ROBO2: variants seen among roughly 807,000 people sequenced by gnomAD.
ROBO2 encodes roundabout homolog 2.
ROBO2 carries 53 observed loss-of-function variants against 160.8 expected under a neutral mutation model. That is an observed-to-expected ratio of 0.33 (90% confidence interval 0.26 to 0.41). The LOEUF (loss-of-function observed/expected upper bound fraction) is 0.41, where lower values mean the gene tolerates loss of function less well. ROBO2 is among the 10% of genes least tolerant of loss of function. ROBO2 has a pLI of 1.00. For synonymous variants in ROBO2, 664 were observed against 611.7 expected (o/e 1.09, Z -1.26); for missense variants, 1,577 against 1,722.4 (o/e 0.92, Z 1.49).
intron 2 of ROBO2, among the ~76,000 whole-genome samples, chr3:76,972,349 ATT>A (rs11296753): frequency 6.9e-6 from 1 of 145,534 alleles, no homozygotes; most frequent in African/African-American, 2.5e-5. Context: ...AGTTGAAAAC[ATT>A]TTTTTTTTTT....
At chr3:77,408,052 G>A (rs2076397287) in intron 2 of ROBO2, among the ~76,000 whole-genome samples, 1 of 151,660 alleles carries the variant, frequency 6.6e-6, no homozygotes, top group Admixed American at 6.6e-5. Flanking sequence ...TTATGCATTT[G>A]GATGTGTATC....
chr3:76,088,402 C>CAATAG (rs2069101924), intron 2 of ROBO2, among the ~76,000 whole-genome samples: 1 of 151,940 alleles, frequency 6.6e-6, no homozygotes, highest in Non-Finnish European at 1.5e-5. Context: ...CTTTATCTGA[C>CAATAG]AATAGCGTAT....
intron 2 of ROBO2, among the ~76,000 whole-genome samples, chr3:76,229,436 G>A (rs946902381): frequency 6.6e-6 from 1 of 151,974 alleles, no homozygotes; most frequent in Admixed American, 6.5e-5. Context: ...ACAAGCAATA[G>A]ATGAATATCA....
intron 2 of ROBO2, among the ~76,000 whole-genome samples, chr3:76,768,213 G>A (rs962299030): frequency 4.6e-5 from 7 of 151,338 alleles, no homozygotes; most frequent in African/African-American, 1.7e-4. Flanking sequence ...AATCTTTATT[G>A]TGAAGCCCTC....
At chr3:76,855,959 A>G (rs893532389) in intron 2 of ROBO2, among the ~76,000 whole-genome samples, 1 of 152,224 alleles carries the variant, frequency 6.6e-6, no homozygotes, top group African/African-American at 2.4e-5. Context: ...AGTTTTACCC[A>G]TGCTGAGCAT....
At chr3:76,883,425 T>C (rs2073562588) in intron 2 of ROBO2, among the ~76,000 whole-genome samples, 1 of 152,174 alleles carries the variant, frequency 6.6e-6, no homozygotes, top group African/African-American at 2.4e-5. Flanking sequence ...CAAAGCCCTA[T>C]AATATGCTAT....
intron 2 of ROBO2, among the ~76,000 whole-genome samples, chr3:77,335,776 T>C (rs985889096): frequency 4.6e-5 from 7 of 152,324 alleles, no homozygotes; most frequent in Admixed American, 4.6e-4. Context: ...GAATGGCAAC[T>C]GAGCCTAACT....
At chr3:77,043,533 G>A (rs1346931298) in intron 1 of ROBO2, among the ~76,000 whole-genome samples, 1 of 152,124 alleles carries the variant, frequency 6.6e-6, no homozygotes, top group African/African-American at 2.4e-5. Context: ...TAAGTTAGTT[G>A]AGAAATGTAG....
chr3:76,788,085 G>C (rs1009454863), intron 2 of ROBO2, among the ~76,000 whole-genome samples: 4 of 150,420 alleles, frequency 2.7e-5, no homozygotes, highest in African/African-American at 9.8e-5. Context: ...ATTTCCAAAA[G>C]ATTCCAAATC....
chr3:76,598,350 T>C (rs1316740926), intron 2 of ROBO2, among the ~76,000 whole-genome samples: 1 of 152,080 alleles, frequency 6.6e-6, no homozygotes, highest in Non-Finnish European at 1.5e-5. Flanking sequence ...AAAGGAGAAT[T>C]CAAGAGACTT....
intron 6 of ROBO2, among the ~76,000 whole-genome samples, chr3:77,543,284 T>A (rs2092558680): frequency 6.6e-6 from 1 of 152,216 alleles, no homozygotes; most frequent in Non-Finnish European, 1.5e-5. Flanking sequence ...TTTATATATT[T>A]ACTTGTAAGC....
intron 2 of ROBO2, among the ~76,000 whole-genome samples, chr3:77,462,933 A>G (rs941780502): frequency 6.6e-6 from 1 of 152,224 alleles, no homozygotes; most frequent in Non-Finnish European, 1.5e-5. Context: ...TCCTCCAAAA[A>G]GCCTTCCTTA....
chr3:76,757,409 T>C (rs969788045), intron 2 of ROBO2, among the ~76,000 whole-genome samples: 1 of 151,864 alleles, frequency 6.6e-6, no homozygotes, highest in African/African-American at 2.4e-5. Context: ...TCTTTCATTG[T>C]GCTATGCCTC....
chr3:77,288,611 G>A (rs1376578480), intron 2 of ROBO2, among the ~76,000 whole-genome samples: 2 of 152,090 alleles, frequency 1.3e-5, no homozygotes, highest in East Asian at 3.9e-4. Flanking sequence ...TGAACCAACA[G>A]CTGAGGAAAT....
chr3:76,122,675 T>C (rs974490081), intron 2 of ROBO2, among the ~76,000 whole-genome samples: 1 of 152,142 alleles, frequency 6.6e-6, no homozygotes, highest in African/African-American at 2.4e-5. Context: ...TCCTTACTTA[T>C]TTTTTCCTTT....
intron 2 of ROBO2, among the ~76,000 whole-genome samples, chr3:77,139,770 A>G (rs2076558862): frequency 6.6e-6 from 1 of 152,162 alleles, no homozygotes; most frequent in Non-Finnish European, 1.5e-5. Context: ...CTTTCTCTGA[A>G]GTTGGACAGC....
chr3:76,885,178 C>G (rs550340083), intron 2 of ROBO2, among the ~76,000 whole-genome samples: 2 of 152,262 alleles, frequency 1.3e-5, no homozygotes, highest in South Asian at 4.1e-4. Context: ...AGATATGTAA[C>G]AGTGTTCCTA....
chr3:76,847,131 A>T (rs2148509029), intron 2 of ROBO2, among the ~76,000 whole-genome samples: 1 of 152,314 alleles, frequency 6.6e-6, no homozygotes, highest in East Asian at 1.9e-4. Flanking sequence ...CTCATGTATC[A>T]ACCTTTTGAT....
intron 2 of ROBO2, among the ~76,000 whole-genome samples, chr3:76,390,182 C>A (rs565073334): frequency 2.0e-5 from 3 of 152,188 alleles, no homozygotes; most frequent in East Asian, 3.9e-4. Flanking sequence ...ATGCCCCACA[C>A]CCTCCCCCAC....
Sources: gnomAD v4.1 joint callset for allele counts (sites outside exome capture counted in the v4.1 genomes callset) on GRCh38, gnomAD v4.1.1 for gene constraint, MANE v1.5 for transcripts, NCBI Gene and HGNC (gene_info 2026-07-23, HGNC 2026-07-21) for gene names.